BLNK: variants seen among roughly 807,000 people sequenced by gnomAD.
BLNK encodes B-cell linker protein.
Under a neutral mutation model 73.5 loss-of-function variants are expected in BLNK, and 29 were observed. The observed-to-expected ratio is 0.39, with a 90% CI of 0.29 to 0.54. BLNK has a LOEUF of 0.54. Ranked by LOEUF, BLNK falls within the 20% of genes least tolerant of loss-of-function variation. The pLI is 0.61. For missense variants in BLNK, 460 were observed against 562.8 expected (o/e 0.82, Z 1.85); for synonymous variants, 176 against 200.8 (o/e 0.88, Z 1.04).
intron 1 of BLNK, 67 bp from the exon 2 acceptor site, chr10:96,247,116 C>G (rs1468640144): frequency 1.8e-6 from 2 of 1,123,596 alleles, no homozygotes; most frequent in East Asian, 4.8e-5. Flanking sequence ...AAGTCTCCTA[C>G]TCTTCTCGAA....
intron 4 of BLNK, among the ~76,000 whole-genome samples, chr10:96,229,451 G>A (rs1430060330): frequency 6.6e-6 from 1 of 152,186 alleles, no homozygotes; most frequent in African/African-American, 2.4e-5. Flanking sequence ...AGCTGTGAGT[G>A]AATGCTTACT....
At chr10:96,214,490 G>A (rs1173663780) in intron 8 of BLNK, among the ~76,000 whole-genome samples, 3 of 152,180 alleles carry the variant, frequency 2.0e-5, no homozygotes, top group Non-Finnish European at 4.4e-5. Flanking sequence ...AAGGTGCAAG[G>A]TGGCTGAGTA....
At chr10:96,213,557 C>T (rs1200461678) in intron 8 of BLNK, among the ~76,000 whole-genome samples, 1 of 152,066 alleles carries the variant, frequency 6.6e-6, no homozygotes, top group East Asian at 1.9e-4. Context: ...GACCAAGAAG[C>T]AAGACCCGTG....
Position 96,209,941 on chromosome 10 carries a change from T to C in BLNK, c.677-34A>G, listed in dbSNP as rs782104402. 4.5e-5 allele frequency: 72 copies of C among 1,612,090 alleles called. No individual in the cohort carries two copies. The South Asian group carries it at 7.7e-4, about 17-fold the overall frequency. ...ACATATACACTACTCAGTCCCCAAG[T>C]CCTGAGCCGGGGGCTGATGCTCACA... On this transcript the variant is annotated intron_variant, in intron 8 of 16. Coordinates refer to ENST00000224337, the MANE Select transcript of BLNK (RefSeq NM_013314.4).
intron 8 of BLNK, among the ~76,000 whole-genome samples, chr10:96,214,943 G>A (rs2084030140): frequency 6.6e-6 from 1 of 152,110 alleles, no homozygotes; most frequent in African/African-American, 2.4e-5. Context: ...CTGGTAACGG[G>A]GCACACTGGG....
At chr10:96,204,204 G>T in intron 12 of BLNK, 116 bp from the exon 13 acceptor site, 1 of 1,139,964 alleles carries the variant, frequency 8.8e-7, no homozygotes, top group Non-Finnish European at 1.3e-6. Context: ...CAATACAAAT[G>T]GCCAATAAAA....
intron 1 of BLNK, among the ~76,000 whole-genome samples, chr10:96,259,393 A>G (rs1490978286): frequency 7.2e-5 from 11 of 152,170 alleles, no homozygotes; most frequent in African/African-American, 2.7e-4. Context: ...GAGAGGGGGT[A>G]AGGCACATGG....
intron 1 of BLNK, among the ~76,000 whole-genome samples, chr10:96,247,344 G>A (rs1843084616): frequency 6.6e-6 from 1 of 152,172 alleles, no homozygotes; most frequent in Non-Finnish European, 1.5e-5. Context: ...TTGTCTTAGA[G>A]CATCTACGTT....
At chr10:96,241,367 C>T (rs587679189) in intron 3 of BLNK, among the ~76,000 whole-genome samples, 3 of 152,294 alleles carry the variant, frequency 2.0e-5, no homozygotes, top group East Asian at 3.9e-4. Flanking sequence ...TTAAAACTAT[C>T]TTCCAACGTA....
chr10:96,200,256 G>T lies in BLNK; in HGVS notation c.1012-98C>A. The T allele has an allele frequency of 1.2e-6, 1 of 863,118 alleles. No homozygotes were observed. Among genetic ancestry groups the T allele is most frequent in the Non-Finnish European group, 1.9e-6 (1 of 527,398 alleles). 53.5% of individuals were successfully genotyped at this position (863,118 alleles called of 1,614,324 possible). ...AGACCCATTTGCATTATCAAGACAG[G>T]CCTCTACATTTACACCAATAATTTT... On this transcript the variant is annotated intron_variant, in intron 14 of 16. Coordinates refer to ENST00000224337, the MANE Select transcript of BLNK (RefSeq NM_013314.4). The surrounding 1 kb of genome is among the most constrained non-coding windows in gnomAD (Gnocchi z 4.3).
At chr10:96,250,536 G>C (rs994252248) in intron 1 of BLNK, among the ~76,000 whole-genome samples, 33 of 152,216 alleles carry the variant, frequency 2.2e-4, no homozygotes, top group African/African-American at 7.9e-4. Context: ...GTTGTAAGCT[G>C]ACTGTAACTG....
At chr10:96,229,429 T>C (rs1358468271) in intron 4 of BLNK, among the ~76,000 whole-genome samples, 3 of 152,182 alleles carry the variant, frequency 2.0e-5, no homozygotes, top group Non-Finnish European at 2.9e-5. Context: ...ATCCATCTAC[T>C]GAAGTCAAAA....
rs76756973 is a variant in BLNK at position 96,237,741 on chromosome 10, A to C, written c.163+4994T>G. Among the ~76,000 whole-genome samples the C allele has an allele frequency of 8.4e-3, 1,274 of 152,340 alleles. 14 individuals are homozygous for C. Among genetic ancestry groups the C allele is most frequent in the Middle Eastern group, 0.068 (20 of 294 alleles). ...TCTAGTGCCTTCAGAATAAGAAAAA[A>C]GTTCCCCCAAAAGCATGAACACTTG... On this transcript the variant is annotated intron_variant, in intron 3 of 16. Coordinates refer to ENST00000224337, the MANE Select transcript of BLNK (RefSeq NM_013314.4).
At chr10:96,260,420 C>T (rs574069697) in intron 1 of BLNK, among the ~76,000 whole-genome samples, 1 of 152,130 alleles carries the variant, frequency 6.6e-6, no homozygotes, top group Non-Finnish European at 1.5e-5. Flanking sequence ...TAAAACCAAG[C>T]GACTGAGAAG....
Position 96,191,447 on chromosome 10 carries a change from A to C in BLNK, c.*526T>G, listed in dbSNP as rs2083328433. Among the ~76,000 whole-genome samples the C allele has an allele frequency of 6.6e-6, 1 of 152,064 alleles. No homozygotes were observed. Among genetic ancestry groups the C allele is most frequent in the African/African-American group, 2.4e-5 (1 of 41,426 alleles). On this transcript the variant is annotated 3_prime_UTR_variant, in exon 17 of 17. Transcript: ENST00000224337. ...AAAGTTCATATCCATATATATATAT[A>C]TCCCATGGTTGAGAGTGCTCACAAA...
intron 1 of BLNK, among the ~76,000 whole-genome samples, chr10:96,260,176 A>T (rs920719332): frequency 2.0e-5 from 3 of 152,202 alleles, no homozygotes; most frequent in Non-Finnish European, 4.4e-5. Context: ...AGATTGCAAA[A>T]ACCAAAAAAG....
intron 6 of BLNK, among the ~76,000 whole-genome samples, chr10:96,219,558 C>T (rs1339205083): frequency 2.6e-5 from 4 of 152,190 alleles, no homozygotes; most frequent in Non-Finnish European, 5.9e-5. Context: ...GTTGGAAGCT[C>T]CAGGCCCTAA....
intron 3 of BLNK, among the ~76,000 whole-genome samples, chr10:96,237,460 A>C (rs1041837408): frequency 6.6e-6 from 1 of 152,082 alleles, no homozygotes; most frequent in African/African-American, 2.4e-5. Flanking sequence ...CCTCCCAGGG[A>C]TGCCACCCCA....
intron 11 of BLNK, 41 bp from the exon 12 acceptor site, chr10:96,204,657 G>T: frequency 6.3e-7 from 1 of 1,596,258 alleles, no homozygotes; most frequent in East Asian, 2.2e-5. Flanking sequence ...AGAGTGAAAT[G>T]TCTGTCCTCA....
Sources: allele counts gnomAD v4.1 joint callset (sites outside exome capture counted in the v4.1 genomes callset), GRCh38; gene constraint gnomAD v4.1.1; non-coding constraint Gnocchi (gnomAD v3.1); transcripts MANE v1.5; gene names NCBI Gene and HGNC (gene_info 2026-07-23, HGNC 2026-07-21).